Variants in SLC39A9 observed in about 807,000 individuals in gnomAD.
SLC39A9 encodes zinc transporter ZIP9.
A neutral mutation model predicts 28.4 loss-of-function variants in SLC39A9; 14 were observed. The observed-to-expected ratio is 0.49, with a 90% CI of 0.33 to 0.77. The LOEUF (loss-of-function observed/expected upper bound fraction) is 0.77. Among genes scored for constraint, SLC39A9 ranks in the 30% least tolerant of loss-of-function variants. The pLI is 0.02. For missense variants in SLC39A9, 283 were observed against 381.1 expected, an observed-to-expected ratio of 0.74 and a Z score of 2.14; for synonymous variants, 119 against 149.6, an observed-to-expected ratio of 0.80 and a Z score of 1.49.
intron 1 of SLC39A9, among the ~76,000 whole-genome samples, chr14:69,423,138 A>T (rs1174712894): frequency 6.6e-6 from 1 of 152,210 alleles, no homozygotes; most frequent in African/African-American, 2.4e-5. Flanking sequence ...TAAGTAAAAA[A>T]TTGTTAATGT....
In SLC39A9 at chr14:69,458,268, A is replaced by G. The variant is rs973006660; in HGVS notation, c.694-95A>G. Reference sequence around the variant, plus strand: ...TGTCCCCAGTGTCCTAGACAGCACCAGTTAAGAACAGTGAGTGTTTTTTAA... The same window carrying G: ...TGTCCCCAGTGTCCTAGACAGCACCGGTTAAGAACAGTGAGTGTTTTTTAA... On this transcript the variant is annotated intron_variant, in intron 6 of 6. Transcript: ENST00000336643. 4 of 1,488,608 alleles carry G rather than the reference A, an allele frequency of 2.7e-6. No individual in the cohort carries two copies. The African/African-American group carries it at 5.5e-5, about 21-fold the overall frequency. 92.2% of individuals were successfully genotyped at this position (1,488,608 alleles called of 1,614,324 possible).
Position 69,459,768 on chromosome 14 carries a change from C to T in SLC39A9, c.*1175C>T. 2.0e-6 allele frequency: 2 copies of T among 985,184 alleles called. No homozygotes were observed. Among genetic ancestry groups the T allele is most frequent in the Non-Finnish European group, 2.4e-6 (2 of 829,858 alleles). The allele number at this position is 985,184 out of a possible 1,614,324, so 61.0% of individuals were successfully genotyped here. A position where few individuals can be genotyped will look rare whatever the true frequency, so the allele number is the denominator to read the frequency against. On this transcript the variant is annotated 3_prime_UTR_variant, in exon 7 of 7. Transcript: ENST00000336643. ...TTCTTTGCTTTTCTTCTAACTTTTC[C>T]CTCTAGCCTCTCCTCGCCACAATTT...
At chr14:69,418,016 C>T (rs926847261) in intron 1 of SLC39A9, among the ~76,000 whole-genome samples, 9 of 151,992 alleles carry the variant, frequency 5.9e-5, no homozygotes, top group South Asian at 4.1e-4. Flanking sequence ...TGAATGGGAA[C>T]GGTAAGAGAG....
At chr14:69,415,335 A>G (rs1883511063) in intron 1 of SLC39A9, among the ~76,000 whole-genome samples, 1 of 152,214 alleles carries the variant, frequency 6.6e-6, no homozygotes, top group African/African-American at 2.4e-5. Context: ...GGGTATGAAA[A>G]GGTATCTTGC....
intron 2 of SLC39A9, among the ~76,000 whole-genome samples, chr14:69,426,738 G>T (rs1042064658): frequency 6.6e-6 from 1 of 152,218 alleles, no homozygotes; most frequent in African/African-American, 2.4e-5. Context: ...GAAGCCTGCT[G>T]TTGAGGCCTA....
In SLC39A9 at chr14:69,458,804, C is replaced by A; in HGVS notation, c.*211C>A. 1 of 1,304,476 alleles carries A rather than the reference C, an allele frequency of 7.7e-7. No individual in the cohort carries two copies. Among genetic ancestry groups the A allele is most frequent in the Non-Finnish European group, 9.7e-7 (1 of 1,027,350 alleles). 80.8% of individuals were successfully genotyped at this position (1,304,476 alleles called of 1,614,324 possible). On this transcript the variant is annotated 3_prime_UTR_variant, in exon 7 of 7. Coordinates refer to ENST00000336643, the MANE Select transcript of SLC39A9 (RefSeq NM_018375.5). Reference sequence around the variant, plus strand: ...TTACGTTGCAGTTAGCTATAGACATCCCATTGTGTTATCTTTTAAAAGGCC... The same window carrying A: ...TTACGTTGCAGTTAGCTATAGACATACCATTGTGTTATCTTTTAAAAGGCC...
At chr14:69,447,795 C>G (rs1288478399) in intron 3 of SLC39A9, among the ~76,000 whole-genome samples, 1 of 151,880 alleles carries the variant, frequency 6.6e-6, no homozygotes, top group Non-Finnish European at 1.5e-5. Flanking sequence ...CGCTTGTACT[C>G]CCAGCTACTT....
At chr14:69,410,325 T>C (rs556659852) in intron 1 of SLC39A9, among the ~76,000 whole-genome samples, 1 of 152,344 alleles carries the variant, frequency 6.6e-6, no homozygotes, top group East Asian at 1.9e-4. Context: ...TCACTGGAAC[T>C]TTCATTATTC....
Position 69,458,950 on chromosome 14 carries a change from G to T in SLC39A9, c.*357G>T. The T allele has an allele frequency of 9.9e-7, 1 of 1,015,190 alleles. No homozygotes were observed. The highest frequency in any genetic ancestry group is 1.2e-6 in the Non-Finnish European group (1 of 848,144). 62.9% of individuals were successfully genotyped at this position (1,015,190 alleles called of 1,614,324 possible). A position where few individuals can be genotyped will look rare whatever the true frequency, so the allele number is the denominator to read the frequency against. On this transcript the variant is annotated 3_prime_UTR_variant, in exon 7 of 7. Coordinates refer to ENST00000336643, the MANE Select transcript of SLC39A9 (RefSeq NM_018375.5). ...GAAATAGTGATTATGAAAATACAGT[G>T]TTCTGTAATTAAGCTATGTCTCTTT...
intron 6 of SLC39A9, 74 bp from the exon 7 acceptor site, chr14:69,458,289 T>C: frequency 6.4e-7 from 1 of 1,563,540 alleles, no homozygotes; most frequent in Non-Finnish European, 8.7e-7. Flanking sequence ...GTGAGTGTTT[T>C]TTAACTGGGA....
intron 1 of SLC39A9, among the ~76,000 whole-genome samples, chr14:69,407,985 C>A (rs76352089): frequency 6.6e-5 from 10 of 151,748 alleles, no homozygotes; most frequent in African/African-American, 2.2e-4. Flanking sequence ...ATTCTAGTCC[C>A]CTTTTATGCT....
At chr14:69,400,634 C>T (rs978454163) in intron 1 of SLC39A9, among the ~76,000 whole-genome samples, 13 of 152,108 alleles carry the variant, frequency 8.5e-5, no homozygotes, top group Non-Finnish European at 1.2e-4. Flanking sequence ...ATATTAAGTA[C>T]ACCTTGAAGA....
intron 1 of SLC39A9, among the ~76,000 whole-genome samples, chr14:69,419,683 T>C (rs2140268690): frequency 6.6e-6 from 1 of 152,368 alleles, no homozygotes; most frequent in South Asian, 2.1e-4. Flanking sequence ...ATCCGGGTGC[T>C]CCTGTATTGG....
chr14:69,421,515 A>G (rs1883890607), intron 1 of SLC39A9, among the ~76,000 whole-genome samples: 1 of 152,246 alleles, frequency 6.6e-6, no homozygotes, highest in Non-Finnish European at 1.5e-5. Flanking sequence ...CCATTCTGGG[A>G]AAACCACTGC....
chr14:69,398,551 T>C (rs1438086843), upstream of SLC39A9: 3 of 486,692 alleles, frequency 6.2e-6, no homozygotes, highest in African/African-American at 2.0e-5. Flanking sequence ...ATCACCGGTA[T>C]AGACAGTGAC....
chr14:69,455,802 A>C lies in SLC39A9; in HGVS notation c.629A>C (p.His210Pro). ...TTAGAGCGGAATCGAATCAGAAAGC[A>C]CTTGCTGGTCTTTGCATTGGCAGCA... is the stretch of plus-strand genomic sequence containing the variant. ...AGLERNRIRKHLLVFALAAPV... is the reference protein window; with the variant it reads ...AGLERNRIRKPLLVFALAAPV... Residue 210 changes from histidine to proline, a missense_variant, in exon 6 of 7, where the codon CAC becomes CCC. Transcript: ENST00000336643. 2 of 1,614,214 alleles carry C rather than the reference A, an allele frequency of 1.2e-6. No homozygotes were observed. Among genetic ancestry groups the C allele is most frequent in the Non-Finnish European group, 1.7e-6 (2 of 1,180,024 alleles).
chr14:69,433,749 C>T (rs1036069549), intron 2 of SLC39A9, among the ~76,000 whole-genome samples: 1 of 151,874 alleles, frequency 6.6e-6, no homozygotes, highest in Non-Finnish European at 1.5e-5. Context: ...TGAGGTTTCT[C>T]TTCTCTTCTC....
At chr14:69,417,014 G>C (rs1883614922) in intron 1 of SLC39A9, among the ~76,000 whole-genome samples, 1 of 152,128 alleles carries the variant, frequency 6.6e-6, no homozygotes, top group Non-Finnish European at 1.5e-5. Context: ...TGTTGCCATT[G>C]CTTTTGGTGT....
intron 3 of SLC39A9, among the ~76,000 whole-genome samples, 162 bp from the exon 4 acceptor site, chr14:69,453,079 A>G (rs1039507099): frequency 2.0e-5 from 3 of 152,186 alleles, no homozygotes; most frequent in Non-Finnish European, 4.4e-5. Flanking sequence ...GCTCACGCCT[A>G]TCATCTCAAC....
Sources: allele counts gnomAD v4.1 joint callset (sites outside exome capture counted in the v4.1 genomes callset), GRCh38; gene constraint gnomAD v4.1.1; transcripts MANE v1.5; gene names NCBI Gene and HGNC (gene_info 2026-07-23, HGNC 2026-07-21).